RTN1: variants seen among roughly 807,000 people sequenced by gnomAD.
The protein encoded by RTN1 is reticulon 1.
RTN1 carries 25 observed loss-of-function variants against 65.5 expected under a neutral mutation model. The ratio of observed to expected loss-of-function variants is 0.38; its 90% CI spans 0.28 to 0.53. RTN1 has a LOEUF of 0.53. RTN1 is among the 20% of genes least tolerant of loss of function. The pLI, the probability that RTN1 is intolerant of heterozygous loss-of-function variation, is 0.79. For missense variants in RTN1, 983 were observed against 1,025.4 expected (o/e 0.96, Z 0.57); for synonymous variants, 471 against 447.6 (o/e 1.05, Z -0.66).
chr14:59,692,011 C>A (rs773298322), intron 3 of RTN1, among the ~76,000 whole-genome samples: 2 of 152,070 alleles, frequency 1.3e-5, no homozygotes, highest in African/African-American at 2.4e-5. Flanking sequence ...GAAGCATTAC[C>A]CCTGAGAACT....
chr14:59,855,566 C>T (rs894578433), intron 1 of RTN1, among the ~76,000 whole-genome samples: 2 of 152,128 alleles, frequency 1.3e-5, no homozygotes, highest in East Asian at 3.9e-4. Context: ...ATAATTCTAC[C>T]ATCTGTGTTA....
intron 3 of RTN1, among the ~76,000 whole-genome samples, chr14:59,683,487 G>T (rs1037513075): frequency 3.3e-5 from 5 of 151,220 alleles, no homozygotes; most frequent in East Asian, 1.9e-4. Flanking sequence ...TTTGTCTCTG[G>T]CCAGTCTCAA....
At chr14:59,811,754 C>T (rs1886733200) in intron 1 of RTN1, among the ~76,000 whole-genome samples, 1 of 152,152 alleles carries the variant, frequency 6.6e-6, no homozygotes, top group Non-Finnish European at 1.5e-5. Flanking sequence ...TTCAACATGT[C>T]TCCACTTATG....
chr14:59,675,867 C>T (rs576508350), intron 3 of RTN1, among the ~76,000 whole-genome samples: 28 of 152,226 alleles, frequency 1.8e-4, no homozygotes, highest in East Asian at 1.2e-3. Flanking sequence ...TTAAATGCAA[C>T]CAGCTATTAA....
chr14:59,738,298 A>G (rs1462059952), intron 2 of RTN1, among the ~76,000 whole-genome samples: 2 of 152,220 alleles, frequency 1.3e-5, no homozygotes, highest in East Asian at 1.9e-4. Context: ...AACTTAAACA[A>G]TTTACAAGAA....
intron 2 of RTN1, among the ~76,000 whole-genome samples, chr14:59,739,974 C>G (rs930850732): frequency 2.0e-5 from 3 of 152,168 alleles, no homozygotes; most frequent in Non-Finnish European, 2.9e-5. Flanking sequence ...AGCAGCTCAC[C>G]CTTGTGCCAG....
rs575574807 is a variant in RTN1 at position 59,735,746 on chromosome 14, TAG to T, written c.1016-8080_1016-8079del. 3.0e-3 allele frequency among the ~76,000 whole-genome samples: 458 copies of T among 152,322 alleles called. 1 individual carries two copies. Among genetic ancestry groups the T allele is most frequent in the Admixed American group, 4.6e-3 (70 of 15,304 alleles). ...CACCCAGATTCATAAAGCAAGTTCT[TAG>T]AGACCTTCAATGAGATTTAGACTCC... On this transcript the variant is annotated intron_variant, in intron 2 of 8. Coordinates refer to ENST00000267484, the MANE Select transcript of RTN1 (RefSeq NM_021136.3).
intron 1 of RTN1, among the ~76,000 whole-genome samples, chr14:59,784,348 G>T (rs922187165): frequency 2.6e-5 from 4 of 152,006 alleles, no homozygotes; most frequent in African/African-American, 9.7e-5. Context: ...GGCTGAGGCA[G>T]GAGAATTGCT....
At chr14:59,698,113 T>C (rs1347525370) in intron 3 of RTN1, among the ~76,000 whole-genome samples, 2 of 152,152 alleles carry the variant, frequency 1.3e-5, no homozygotes, top group African/African-American at 4.8e-5. Flanking sequence ...AACATCAATA[T>C]GAGATAAATT....
At chr14:59,797,882 T>A (rs780730565) in intron 1 of RTN1, among the ~76,000 whole-genome samples, 16 of 152,188 alleles carry the variant, frequency 1.1e-4, no homozygotes, top group African/African-American at 3.6e-4. Context: ...GTTGACCCAG[T>A]GATGCCAACA....
chr14:59,768,544 T>C (rs1231055783), intron 1 of RTN1, among the ~76,000 whole-genome samples: 3 of 152,168 alleles, frequency 2.0e-5, no homozygotes, highest in Admixed American at 1.3e-4. Flanking sequence ...CCCTGGATTG[T>C]GTGTAGAAGG....
chr14:59,621,176 T>G (rs1882244291), intron 3 of RTN1, among the ~76,000 whole-genome samples: 1 of 152,220 alleles, frequency 6.6e-6, no homozygotes, highest in Non-Finnish European at 1.5e-5. Context: ...AAAGTTTCCT[T>G]AGAACCCAAG....
chr14:59,830,924 C>T (rs554718982), intron 1 of RTN1, among the ~76,000 whole-genome samples: 1 of 152,126 alleles, frequency 6.6e-6, no homozygotes, highest in African/African-American at 2.4e-5. Flanking sequence ...AAGCAATGCT[C>T]CAAATTCTCA....
At chr14:59,823,186 T>G (rs1886973207) in intron 1 of RTN1, among the ~76,000 whole-genome samples, 1 of 152,202 alleles carries the variant, frequency 6.6e-6, no homozygotes, top group Non-Finnish European at 1.5e-5. Context: ...ATCTAGATGC[T>G]CCAATGTTGG....
At chr14:59,722,154 G>C (rs1884661739) in intron 3 of RTN1, among the ~76,000 whole-genome samples, 1 of 152,168 alleles carries the variant, frequency 6.6e-6, no homozygotes, top group Admixed American at 6.5e-5. Context: ...GAGTCCTGGA[G>C]GTTGAGTGTT....
At position 59,868,968 on chromosome 14, in the gene RTN1, A is replaced by C. The variant is rs1887842926; in HGVS notation, c.241+1422T>G. 6.6e-6 allele frequency among the ~76,000 whole-genome samples: 1 copy of C among 152,178 alleles called. No individual in the cohort carries two copies. Among genetic ancestry groups the C allele is most frequent in the African/African-American group, 2.4e-5 (1 of 41,444 alleles). ...AAAGAGAGACTGAGCAGCCATTCTT[A>C]GATTTAAATCCTCCCCCACTCCTAG... On this transcript the variant is annotated intron_variant, in intron 1 of 8. Transcript: ENST00000267484. This position sits in a 1 kb window ranked among gnomAD's most constrained non-coding sequence, Gnocchi z 4.0.
intron 2 of RTN1, among the ~76,000 whole-genome samples, chr14:59,741,629 T>C (rs1173625330): frequency 6.6e-6 from 1 of 152,188 alleles, no homozygotes; most frequent in Admixed American, 6.6e-5. Context: ...AACCCTCCAA[T>C]GGCTTCCAAT....
chr14:59,805,804 T>A (rs192324018), intron 1 of RTN1, among the ~76,000 whole-genome samples: 2 of 152,276 alleles, frequency 1.3e-5, no homozygotes, highest in African/African-American at 4.8e-5. Context: ...ATCAATGAAG[T>A]TCCAAAAAGG....
At chr14:59,661,622 A>T (rs1474198369) in intron 3 of RTN1, among the ~76,000 whole-genome samples, 1 of 152,238 alleles carries the variant, frequency 6.6e-6, no homozygotes, top group Non-Finnish European at 1.5e-5. Flanking sequence ...AATGTAATCC[A>T]TCACATAAAC....
Sources: allele counts gnomAD v4.1 joint callset (sites outside exome capture counted in the v4.1 genomes callset), GRCh38; gene constraint gnomAD v4.1.1; non-coding constraint Gnocchi (gnomAD v3.1); transcripts MANE v1.5; gene names NCBI Gene and HGNC (gene_info 2026-07-23, HGNC 2026-07-21).